The following PLEKHH2 variants were observed in gnomAD, a reference collection of about 807,000 sequenced individuals.
The protein encoded by PLEKHH2 is pleckstrin homology domain-containing family H member 2.
PLEKHH2 carries 129 observed loss-of-function variants against 187.9 expected under a neutral mutation model. The observed-to-expected ratio is 0.69, with a 90% CI of 0.59 to 0.79. The LOEUF (loss-of-function observed/expected upper bound fraction) is 0.79, where lower values mean the gene tolerates loss of function less well. PLEKHH2 is among the 30% of genes least tolerant of loss of function. PLEKHH2 has a pLI of 0.00. For missense variants in PLEKHH2, 2,076 were observed against 1,751.2 expected (o/e 1.19, Z -3.31); for synonymous variants, 686 against 605.6 (o/e 1.13, Z -1.95).
At chr2:43,696,401 T>A (rs981906341) in intron 6 of PLEKHH2, among the ~76,000 whole-genome samples, 1 of 150,416 alleles carries the variant, frequency 6.6e-6, no homozygotes, top group African/African-American at 2.4e-5. Context: ...GGTGGGAGGA[T>A]CACTTGAGCC....
chr2:43,702,527 C>CTTTTTTTTTTTTTTTTTTTTTTTTTTT (rs1167078689), intron 8 of PLEKHH2, among the ~76,000 whole-genome samples: 7 of 57,416 alleles, frequency 1.2e-4, no homozygotes, highest in African/African-American at 2.9e-4. Context: ...CATTCTACTA[C>CTTTTTTTTTTTTTTTTTTTTTTTTTTT]TTTTTTTTTT....
At chr2:43,637,587 G>T (rs1381460778) in intron 1 of PLEKHH2, among the ~76,000 whole-genome samples, 1 of 152,340 alleles carries the variant, frequency 6.6e-6, no homozygotes, top group Admixed American at 6.5e-5. Context: ...CGGCCCCCAA[G>T]TCTGGATGTC....
chr2:43,660,591 G>C (rs1434971493), intron 2 of PLEKHH2, among the ~76,000 whole-genome samples: 3 of 145,786 alleles, frequency 2.1e-5, no homozygotes, highest in African/African-American at 7.9e-5. Flanking sequence ...CTAGCATTAG[G>C]TATATCTCCC....
chr2:43,643,263 A>C (rs1001775099), intron 1 of PLEKHH2, among the ~76,000 whole-genome samples: 1 of 152,152 alleles, frequency 6.6e-6, no homozygotes, highest in Non-Finnish European at 1.5e-5. Context: ...GAAAACAAAG[A>C]AATGAAAATA....
chr2:43,743,066 T>G, intron 22 of PLEKHH2, 148 bp downstream of exon 22: 1 of 575,576 alleles, frequency 1.7e-6, no homozygotes, highest in Non-Finnish European at 2.7e-6. Flanking sequence ...ACAGCTGAGT[T>G]TTGAAACAGT....
intron 2 of PLEKHH2, chr2:43,675,724 T>G: frequency 6.2e-7 from 1 of 1,613,932 alleles, no homozygotes; most frequent in Non-Finnish European, 8.5e-7. Flanking sequence ...CTCAGAGTTA[T>G]CGAGAAGTCT....
intron 1 of PLEKHH2, among the ~76,000 whole-genome samples, chr2:43,642,333 A>G (rs1665979612): frequency 6.6e-6 from 1 of 152,002 alleles, no homozygotes; most frequent in Non-Finnish European, 1.5e-5. Flanking sequence ...ATTTCCTGAA[A>G]CCTTGCTAAA....
intron 15 of PLEKHH2, among the ~76,000 whole-genome samples, chr2:43,718,575 A>T (rs966837392): frequency 6.6e-6 from 1 of 152,192 alleles, no homozygotes; most frequent in African/African-American, 2.4e-5. Context: ...ATTTATGTAT[A>T]AAGATAGATT....
chr2:43,747,379 G>C (rs995746566), intron 24 of PLEKHH2, among the ~76,000 whole-genome samples: 1 of 152,110 alleles, frequency 6.6e-6, no homozygotes. Context: ...ACCTCGGGAG[G>C]CTTCTTTGAG....
At chr2:43,653,531 G>A (rs1666590760) in intron 2 of PLEKHH2, among the ~76,000 whole-genome samples, 1 of 152,206 alleles carries the variant, frequency 6.6e-6, no homozygotes, top group African/African-American at 2.4e-5. Flanking sequence ...CAGAAGGAGT[G>A]CTTTATTAAA....
At position 43,654,706 on chromosome 2, in the gene PLEKHH2, C is replaced by T. The variant is rs1201195160; in HGVS notation, c.123+9910C>T. Among the ~76,000 whole-genome samples the T allele has an allele frequency of 1.3e-4, 4 of 31,884 alleles. 1 individual carries two copies. The highest frequency in any genetic ancestry group is 9.0e-4 in the Admixed American group (4 of 4,448). The allele number at this position is 31,884 out of a possible 152,430, so 20.9% of individuals were successfully genotyped here. A position where few individuals can be genotyped will look rare whatever the true frequency, so the allele number is the denominator to read the frequency against. Reference sequence around the variant, plus strand: ...CAGCTTGGGCAACATAGTAAGACACCCCCCCCCCCCGCATCTCTACCAAAA... The same window carrying T: ...CAGCTTGGGCAACATAGTAAGACACTCCCCCCCCCCGCATCTCTACCAAAA... On this transcript the variant is annotated intron_variant, in intron 2 of 29. Coordinates refer to ENST00000282406, the MANE Select transcript of PLEKHH2 (RefSeq NM_172069.4).
chr2:43,650,360 T>G (rs1666409482), intron 2 of PLEKHH2, among the ~76,000 whole-genome samples: 1 of 151,986 alleles, frequency 6.6e-6, no homozygotes, highest in Non-Finnish European at 1.5e-5. Flanking sequence ...CTCAAACTCC[T>G]AACCTTAACT....
rs1232243763 is a variant in PLEKHH2 at position 43,765,502 on chromosome 2, G to T, written c.4386G>T (p.Leu1462=). The part of the protein sequence containing the change: ...AAFHHLSAPA[L]LSAQTRGPQA... ...TTCACCACCTCTCTGCTCCAGCACT[G>T]CTCTCAGCCCAGACCCGGGGACCCC... Residue 1462 remains leucine, a synonymous_variant, in exon 30 of 30, where the codon CTG becomes CTT. Coordinates refer to ENST00000282406, the MANE Select transcript of PLEKHH2 (RefSeq NM_172069.4). The T allele has an allele frequency of 1.2e-6, 2 of 1,613,938 alleles. No homozygotes were observed. The highest frequency in any genetic ancestry group is 1.7e-6 in the Non-Finnish European group (2 of 1,180,018).
intron 24 of PLEKHH2, among the ~76,000 whole-genome samples, chr2:43,746,503 G>A (rs1410418182): frequency 6.6e-6 from 1 of 151,046 alleles, no homozygotes; most frequent in Admixed American, 6.6e-5. Flanking sequence ...GGGCAACAGA[G>A]TGAAACCCTG....
intron 1 of PLEKHH2, among the ~76,000 whole-genome samples, 170 bp from the exon 2 acceptor site, chr2:43,644,501 A>G (rs1343826426): frequency 1.3e-5 from 2 of 152,120 alleles, no homozygotes; most frequent in Non-Finnish European, 2.9e-5. Flanking sequence ...ATAAGTTCTC[A>G]CCAGTTCTGG....
chr2:43,764,445 T>C (rs996098569), intron 29 of PLEKHH2, 80 bp downstream of exon 29: 102 of 1,413,718 alleles, frequency 7.2e-5, no homozygotes, highest in Non-Finnish European at 9.4e-5. Context: ...AAAGCAATGC[T>C]AATTGTTTTC....
At chr2:43,678,948 A>G (rs752971793) in intron 3 of PLEKHH2, 23 bp downstream of exon 3, 3 of 1,568,150 alleles carry the variant, frequency 1.9e-6, no homozygotes, top group Non-Finnish European at 2.6e-6. Context: ...TTTACTTTAA[A>G]TTTTTTTTGC....
chr2:43,700,720 T>C, intron 8 of PLEKHH2, 112 bp downstream of exon 8: 3 of 1,342,948 alleles, frequency 2.2e-6, no homozygotes, highest in African/African-American at 1.5e-5. Context: ...TGGCGCGATC[T>C]TGGCTCACTG....
rs112449511 is a variant in PLEKHH2 at position 43,659,104 on chromosome 2, A to T, written c.123+14308A>T. ...CCTCCCACCTCAGTCTCCTGAGTAG[A>T]TGGGAATACAGGTGTGTGCCACCAT... On this transcript the variant is annotated intron_variant, in intron 2 of 29. Transcript: ENST00000282406. Among the ~76,000 whole-genome samples the T allele has an allele frequency of 8.0e-5, 12 of 150,782 alleles. 1 individual carries two copies. In the South Asian group the frequency reaches 2.5e-3, roughly 32 times the overall value.
Sources: gnomAD v4.1 joint callset for allele counts (sites outside exome capture counted in the v4.1 genomes callset) on GRCh38, gnomAD v4.1.1 for gene constraint, MANE v1.5 for transcripts, NCBI Gene and HGNC (gene_info 2026-07-23, HGNC 2026-07-21) for gene names.